AKR1E2: variants seen among roughly 807,000 people sequenced by gnomAD.
The protein encoded by AKR1E2 is aldo-keto reductase family 1 member E2, also known as 1,5-anhydro-D-fructose reductase.
Under a neutral mutation model 41.9 loss-of-function variants are expected in AKR1E2, and 43 were observed. The observed-to-expected ratio is 1.03, with a 90% CI of 0.80 to 1.32. AKR1E2 has a LOEUF of 1.32. Among genes scored for constraint, AKR1E2 ranks in the 40% most tolerant of loss-of-function variants. The pLI is 0.00. For missense variants in AKR1E2, 423 were observed against 396.5 expected (o/e 1.07, Z -0.57); for synonymous variants, 121 against 138.9 (o/e 0.87, Z 0.91).
At chr10:4,836,302 TC>T (rs1280720213) in intron 4 of AKR1E2, among the ~76,000 whole-genome samples, 1 of 152,084 alleles carries the variant, frequency 6.6e-6, no homozygotes, top group African/African-American at 2.4e-5. Context: ...TCAGCCCATT[TC>T]CAGGGTTCAG....
At chr10:4,828,136 C>T (rs1832692354) in intron 1 of AKR1E2, among the ~76,000 whole-genome samples, 1 of 152,208 alleles carries the variant, frequency 6.6e-6, no homozygotes, top group Non-Finnish European at 1.5e-5. Flanking sequence ...AAACACCAGA[C>T]CTCAGTGGTG....
chr10:4,839,056 ATAAC>A (rs1457030089), intron 5 of AKR1E2, among the ~76,000 whole-genome samples: 1 of 152,218 alleles, frequency 6.6e-6, no homozygotes, highest in African/African-American at 2.4e-5. Flanking sequence ...TTTACACTAA[ATAAC>A]TATTTATTTT....
intron 8 of AKR1E2, 60 bp from the exon 9 acceptor site, chr10:4,847,086 CAT>C (rs1386016257): frequency 4.4e-6 from 7 of 1,578,462 alleles, no homozygotes; most frequent in Non-Finnish European, 4.4e-6. Flanking sequence ...ATGTAGGTAA[CAT>C]GTGCTCCATT....
At chr10:4,832,395 C>T (rs1011530578) in intron 2 of AKR1E2, among the ~76,000 whole-genome samples, 4 of 152,180 alleles carry the variant, frequency 2.6e-5, no homozygotes, top group Non-Finnish European at 4.4e-5. Context: ...GGTAAGAGAG[C>T]AGCCTTGGTG....
chr10:4,859,830 G>T, the AKR1E2 span, among the ~76,000 whole-genome samples: 4 of 150,368 alleles, frequency 2.7e-5, no homozygotes, highest in Admixed American at 2.0e-4. Context: ...CAGTGGCTCT[G>T]TGTAAGATCA....
chr10:4,862,413 T>G, the AKR1E2 span, among the ~76,000 whole-genome samples: 2 of 152,306 alleles, frequency 1.3e-5, no homozygotes, highest in Admixed American at 6.5e-5. Context: ...TGGCAATGCA[T>G]GCTCTTTTTT....
chr10:4,835,510 A>C lies in AKR1E2; in HGVS notation c.325-165A>C, dbSNP rs568760108. Among the ~76,000 whole-genome samples the C allele has an allele frequency of 6.6e-5, 10 of 152,358 alleles. No individual in the cohort carries two copies. In the East Asian group the frequency reaches 1.2e-3, roughly 18 times the overall value. On this transcript the variant is annotated intron_variant, in intron 3 of 9. Coordinates refer to ENST00000298375, the MANE Select transcript of AKR1E2 (RefSeq NM_001040177.3). ...GGCTTTGCCAGCCATCCAGTCCACCAGCCATTCATCTTTTCTTAGAAAGGT... is the reference window on the plus strand; with the variant it reads ...GGCTTTGCCAGCCATCCAGTCCACCCGCCATTCATCTTTTCTTAGAAAGGT...
chr10:4,841,741 A>C, intron 6 of AKR1E2, 44 bp from the exon 7 acceptor site: 1 of 1,388,510 alleles, frequency 7.2e-7, no homozygotes, highest in South Asian at 1.5e-5. Flanking sequence ...AGGGGCATCC[A>C]TGTTGGATCT....
chr10:4,826,791 T>C (rs1237901381), intron 1 of AKR1E2, among the ~76,000 whole-genome samples: 6 of 151,930 alleles, frequency 3.9e-5, no homozygotes, highest in Non-Finnish European at 5.9e-5. Flanking sequence ...GAAAGAAAAG[T>C]TGGGGCCGGG....
At chr10:4,852,615 C>A (rs961312937), downstream of AKR1E2, among the ~76,000 whole-genome samples, 1 of 152,114 alleles carries the variant, frequency 6.6e-6, no homozygotes, top group Non-Finnish European at 1.5e-5. Flanking sequence ...TGTGCCACCC[C>A]ACCTGGTGTC....
intron 6 of AKR1E2, among the ~76,000 whole-genome samples, chr10:4,840,496 T>C (rs1180550272): frequency 1.3e-5 from 2 of 152,210 alleles, no homozygotes; most frequent in Non-Finnish European, 2.9e-5. Flanking sequence ...TGAAAGGAGC[T>C]GTCTCTTTCC....
intron 1 of AKR1E2, among the ~76,000 whole-genome samples, chr10:4,827,604 T>TA (rs79049050): frequency 0.061 from 8,925 of 146,352 alleles, 302 homozygotes; most frequent in Non-Finnish European, 0.071. Context: ...ATTTGATCTT[T>TA]AAAAAAAAAA....
At position 4,830,847 on chromosome 10, in the gene AKR1E2, G is replaced by A. The variant is rs1832916281; in HGVS notation, c.207+5G>A. 1 of 1,613,864 alleles carries A rather than the reference G, an allele frequency of 6.2e-7. No individual in the cohort carries two copies. Among genetic ancestry groups the A allele is most frequent in the African/African-American group, 1.3e-5 (1 of 74,916 alleles). The stretch of plus-strand genomic sequence containing the variant: ...GATCTGTTCATTGCCACTAAGGTAG[G>A]GCTTCTCTATGCAAGGCTGGCAGAG... On this transcript the variant is annotated splice_donor_5th_base_variant and intron_variant, in intron 2 of 9. Transcript: ENST00000298375.
chr10:4,834,688 G>T (rs1833261563), intron 3 of AKR1E2, among the ~76,000 whole-genome samples: 1 of 152,244 alleles, frequency 6.6e-6, no homozygotes, highest in Admixed American at 6.5e-5. Context: ...GAGCCCAGAA[G>T]CATATGCTCA....
chr10:4,839,705 A>G, intron 5 of AKR1E2, 24 bp from the exon 6 acceptor site: 1 of 1,600,820 alleles, frequency 6.2e-7, no homozygotes, highest in South Asian at 1.1e-5. Flanking sequence ...TCTGAATTTT[A>G]TGTAAGCTAT....
intron 1 of AKR1E2, among the ~76,000 whole-genome samples, chr10:4,826,992 C>A (rs1217589074): frequency 6.7e-6 from 1 of 149,242 alleles, no homozygotes; most frequent in African/African-American, 2.5e-5. Flanking sequence ...GGGAGGATCA[C>A]TGGAGACCAG....
chr10:4,866,760 G>C, the AKR1E2 span, among the ~76,000 whole-genome samples: 15 of 151,774 alleles, frequency 9.9e-5, no homozygotes, highest in Admixed American at 4.6e-4. Context: ...CTTGGCGGGT[G>C]GGGGGAAGCC....
At chr10:4,862,081 T>C in the AKR1E2 span, among the ~76,000 whole-genome samples, 3 of 152,250 alleles carry the variant, frequency 2.0e-5, no homozygotes, top group Non-Finnish European at 4.4e-5. Context: ...ATTTAAGTCT[T>C]TAATCCATCT....
intron 2 of AKR1E2, among the ~76,000 whole-genome samples, chr10:4,831,761 C>T (rs1440953270): frequency 6.6e-6 from 1 of 152,182 alleles, no homozygotes; most frequent in Non-Finnish European, 1.5e-5. Flanking sequence ...TAGGCTAAGC[C>T]ATGGAAGTTC....
Sources: allele counts gnomAD v4.1 joint callset (sites outside exome capture counted in the v4.1 genomes callset), GRCh38; gene constraint gnomAD v4.1.1; transcripts MANE v1.5; gene names NCBI Gene and HGNC (gene_info 2026-07-23, HGNC 2026-07-21).